PLCH1: variants seen among roughly 807,000 people sequenced by gnomAD.
PLCH1 encodes 1-phosphatidylinositol 4,5-bisphosphate phosphodiesterase eta-1.
PLCH1 carries 60 observed loss-of-function variants against 126.7 expected under a neutral mutation model. The observed-to-expected ratio is 0.47, with a 90% CI of 0.38 to 0.59. The LOEUF is 0.59. Among genes scored for constraint, PLCH1 ranks in the 20% least tolerant of loss-of-function variants. PLCH1 has a pLI of 0.00. For synonymous variants in PLCH1, 719 were observed against 734.9 expected (o/e 0.98, Z 0.35); for missense variants, 1,723 against 2,040.0 (o/e 0.84, Z 2.99).
At chr3:155,577,148 T>G (rs537749049) in intron 6 of PLCH1, among the ~76,000 whole-genome samples, 6 of 152,238 alleles carry the variant, frequency 3.9e-5, no homozygotes, top group African/African-American at 1.4e-4. Context: ...TAGTCCCAAC[T>G]ACTCAGGAGG....
At position 155,600,216 on chromosome 3, in the gene PLCH1, A is replaced by G. The variant is rs912597859; in HGVS notation, c.80-3838T>C. 7.9e-5 allele frequency among the ~76,000 whole-genome samples: 12 copies of G among 152,234 alleles called. No homozygotes were observed. The South Asian group carries it at 1.2e-3, about 16-fold the overall frequency. Reference sequence around the variant, plus strand: ...TTAGCACCCTCAATAACTCTTTGCAACTCATTCCAGTGGGCAAAAGTCACC... The same window carrying G: ...TTAGCACCCTCAATAACTCTTTGCAGCTCATTCCAGTGGGCAAAAGTCACC... On this transcript the variant is annotated intron_variant, in intron 2 of 22. Transcript: ENST00000460012.
chr3:155,482,430 T>G lies in PLCH1; in HGVS notation c.3596A>C (p.Asn1199Thr). 1 of 1,614,182 alleles carries G rather than the reference T, an allele frequency of 6.2e-7. No individual in the cohort carries two copies. The highest frequency in any genetic ancestry group is 8.5e-7 in the Non-Finnish European group (1 of 1,180,022). ...AGAAACAACTGTGAGAGCCTGATTG[T>G]TGGTCTCATCAAACTGGCCAATCAG... The part of the protein sequence containing the change: ...SALIGQFDET[N>T]NQALTVVSHL... The change falls in exon 23 of 23, where the codon AAC becomes ACC. Residue 1199 changes from asparagine (N) to threonine (T), a missense_variant. Coordinates refer to ENST00000460012, the MANE Select transcript of PLCH1 (RefSeq NM_014996.4).
intron 2 of PLCH1, among the ~76,000 whole-genome samples, chr3:155,608,619 T>C (rs932374468): frequency 6.6e-6 from 1 of 151,864 alleles, no homozygotes; most frequent in Non-Finnish European, 1.5e-5. Context: ...TCTGGAAACC[T>C]GTATGCGCAG....
At chr3:155,466,605 A>G (rs539129765) in intron 21 of PLCH1, among the ~76,000 whole-genome samples, 2 of 152,250 alleles carry the variant, frequency 1.3e-5, no homozygotes, top group African/African-American at 2.4e-5. Flanking sequence ...ACTAGCATCA[A>G]CACCATCCAG....
intron 2 of PLCH1, among the ~76,000 whole-genome samples, chr3:155,635,804 C>A (rs912695443): frequency 2.6e-5 from 4 of 152,174 alleles, no homozygotes; most frequent in African/African-American, 7.2e-5. Flanking sequence ...ATTAAAATAT[C>A]ATATATGCTT....
chr3:155,637,257 GC>G (rs1483156474), intron 2 of PLCH1, among the ~76,000 whole-genome samples: 2 of 152,194 alleles, frequency 1.3e-5, no homozygotes, highest in African/African-American at 2.4e-5. Context: ...AAATTAATGA[GC>G]CCTCAGTCAG....
At chr3:155,645,978 C>T (rs1739997323) in intron 2 of PLCH1, among the ~76,000 whole-genome samples, 1 of 152,112 alleles carries the variant, frequency 6.6e-6, no homozygotes, top group African/African-American at 2.4e-5. Context: ...AGGTGCTATA[C>T]TTAGATGTCT....
chr3:155,475,559 A>G (rs193162780), downstream of PLCH1, among the ~76,000 whole-genome samples: 2 of 152,272 alleles, frequency 1.3e-5, no homozygotes, highest in Non-Finnish European at 2.9e-5. Context: ...AACAAAATTG[A>G]CAAACCTTTA....
At chr3:155,733,861 C>T (rs1469018044) in intron 1 of PLCH1, among the ~76,000 whole-genome samples, 1 of 143,502 alleles carries the variant, frequency 7.0e-6, no homozygotes, top group South Asian at 2.2e-4. Flanking sequence ...AACAAATAAC[C>T]TGATCTGAAG....
chr3:155,693,185 G>GAGATTATAGACTATTTTT (rs1402633529), intron 2 of PLCH1, among the ~76,000 whole-genome samples: 11 of 33,184 alleles, frequency 3.3e-4, no homozygotes, highest in South Asian at 2.1e-3. Flanking sequence ...GCACAGACTT[G>GAGATTATAGACTATTTTT]CCGGGCGCGG....
intron 8 of PLCH1, among the ~76,000 whole-genome samples, chr3:155,559,708 C>G (rs1001351048): frequency 1.3e-5 from 2 of 152,074 alleles, no homozygotes; most frequent in Non-Finnish European, 2.9e-5. Context: ...CTGTGCATAG[C>G]CTCGTTTGTA....
chr3:155,539,370 C>A (rs1041093337), intron 10 of PLCH1, among the ~76,000 whole-genome samples: 1 of 152,140 alleles, frequency 6.6e-6, no homozygotes, highest in Non-Finnish European at 1.5e-5. Context: ...ACTTTCACCA[C>A]TTCTGTTCAA....
intron 21 of PLCH1, among the ~76,000 whole-genome samples, chr3:155,470,254 A>G (rs951791565): frequency 6.6e-6 from 1 of 152,206 alleles, no homozygotes; most frequent in African/African-American, 2.4e-5. Context: ...GCTGAAAACC[A>G]AGGCTCGAGA....
At chr3:155,455,094 A>C (rs1712407952) in intron 21 of PLCH1, among the ~76,000 whole-genome samples, 1 of 152,206 alleles carries the variant, frequency 6.6e-6, no homozygotes, top group Non-Finnish European at 1.5e-5. Context: ...CAATACTATT[A>C]TGTGTTAATA....
chr3:155,633,346 C>CAAAAAAAAA (rs367695398), intron 2 of PLCH1, among the ~76,000 whole-genome samples: 1 of 133,478 alleles, frequency 7.5e-6, no homozygotes, highest in African/African-American at 2.7e-5. Flanking sequence ...TAGTTTTCTT[C>CAAAAAAAAA]AAAAAAAAAA....
At chr3:155,472,525 C>T (rs1223210047) in intron 21 of PLCH1, among the ~76,000 whole-genome samples, 1 of 151,272 alleles carries the variant, frequency 6.6e-6, no homozygotes, top group East Asian at 1.9e-4. Flanking sequence ...ACCATTCCTT[C>T]TGAAACTATT....
chr3:155,452,732 C>T (rs2107965498), intron 21 of PLCH1, among the ~76,000 whole-genome samples: 1 of 152,150 alleles, frequency 6.6e-6, no homozygotes, highest in Non-Finnish European at 1.5e-5. Context: ...TTCCTGATGT[C>T]AATGGGCAAA....
chr3:155,616,924 C>T (rs1482650729), intron 2 of PLCH1, among the ~76,000 whole-genome samples: 1 of 151,878 alleles, frequency 6.6e-6, no homozygotes, highest in Non-Finnish European at 1.5e-5. Context: ...ACCTGATTAA[C>T]CCTGTTAGAT....
In PLCH1 at chr3:155,711,828, AC is replaced by A. The variant is rs200574260; in HGVS notation, c.-40-7565del. Among the ~76,000 whole-genome samples the A allele has an allele frequency of 8.2e-3, 1,254 of 152,238 alleles. 17 individuals are homozygous for A. Among genetic ancestry groups the A allele is most frequent in the African/African-American group, 0.029 (1,203 of 41,536 alleles). ...TGTTTGAACTCTTGGGGGAAAAAAA[AC>A]TTCCTTTTCAGTTTTACTTGAAGTT... On this transcript the variant is annotated intron_variant, in intron 1 of 22. Transcript: ENST00000460012.
Sources: allele counts gnomAD v4.1 joint callset (sites outside exome capture counted in the v4.1 genomes callset), GRCh38; gene constraint gnomAD v4.1.1; transcripts MANE v1.5; gene names NCBI Gene and HGNC (gene_info 2026-07-23, HGNC 2026-07-21).